DPYSL2: variants seen among roughly 807,000 people sequenced by gnomAD.
The protein encoded by DPYSL2 is dihydropyrimidinase like 2, also known as dihydropyrimidinase-related protein 2.
In DPYSL2, 13 loss-of-function variants were observed where a neutral mutation model predicts 69.9. The observed-to-expected ratio is 0.19, with a 90% confidence interval of 0.12 to 0.30. The LOEUF (loss-of-function observed/expected upper bound fraction) is 0.30. Ranked by LOEUF, DPYSL2 falls within the 10% of genes least tolerant of loss-of-function variation. The pLI is 1.00. For missense variants in DPYSL2, 587 were observed against 918.9 expected (o/e 0.64, Z 4.67); for synonymous variants, 326 against 359.1 (o/e 0.91, Z 1.04).
In DPYSL2 at chr8:26,591,905, C is replaced by T. The variant is rs369881589; in HGVS notation, c.628+7922C>T. Among the ~76,000 whole-genome samples, 7 of 152,136 alleles carry T rather than the reference C, an allele frequency of 4.6e-5. No homozygotes were observed. In the South Asian group the frequency reaches 1.0e-3, roughly 22 times the overall value. ...ATGCGATTGGTCCTGGTGTAGCCTCCGTGTTGAGTTGTAGGGGAAAGGGTG... is the reference window on the plus strand; with the variant it reads ...ATGCGATTGGTCCTGGTGTAGCCTCTGTGTTGAGTTGTAGGGGAAAGGGTG... On this transcript the variant is annotated intron_variant, in intron 3 of 13. Coordinates refer to ENST00000521913, the MANE Select transcript of DPYSL2 (RefSeq NM_001197293.3). This position sits in a 1 kb window ranked among gnomAD's most constrained non-coding sequence, Gnocchi z 5.8.
Position 26,643,380 on chromosome 8 carries a change from G to C in DPYSL2, c.1127-59G>C, listed in dbSNP as rs970082230. On this transcript the variant is annotated intron_variant, in intron 8 of 13. Coordinates refer to ENST00000521913, the MANE Select transcript of DPYSL2 (RefSeq NM_001197293.3). The surrounding 1 kb of genome is among the most constrained non-coding windows in gnomAD (Gnocchi z 6.5). The stretch of plus-strand genomic sequence containing the variant: ...CTGGGCAGGCAGTGGCTCCTCATAG[G>C]GGTGGTTCCCTTCCCCCTGCATTGT... 4.6e-6 allele frequency: 7 copies of C among 1,522,546 alleles called. No homozygotes were observed. The African/African-American group carries it at 9.7e-5, about 21-fold the overall frequency. The allele number at this position is 1,522,546 out of a possible 1,614,324, so 94.3% of individuals were successfully genotyped here. A position where few individuals can be genotyped will look rare whatever the true frequency, so the allele number is the denominator to read the frequency against.
At chr8:26,623,568 A>G (rs535742136) in intron 3 of DPYSL2, among the ~76,000 whole-genome samples, 25 of 152,350 alleles carry the variant, frequency 1.6e-4, no homozygotes, top group African/African-American at 6.0e-4. Context: ...GCGTACCTCC[A>G]TAGTAATATA....
chr8:26,546,839 T>G (rs529982381), intron 1 of DPYSL2, among the ~76,000 whole-genome samples: 1 of 133,680 alleles, frequency 7.5e-6, no homozygotes, highest in East Asian at 2.5e-4. Context: ...GCGAATGGCG[T>G]GAACCCGAGA....
chr8:26,535,544 G>A (rs1446161825), intron 1 of DPYSL2, among the ~76,000 whole-genome samples: 1 of 151,856 alleles, frequency 6.6e-6, no homozygotes, highest in Non-Finnish European at 1.5e-5. Context: ...CGGAACGTAA[G>A]TACAGAGATT....
rs772329438 is a variant in DPYSL2 at position 26,652,689 on chromosome 8, A to T, written c.1776+253A>T. The stretch of plus-strand genomic sequence containing the variant: ...GGAGTGTGGAGTAAGGACCCAGAGG[A>T]GGGAGCCACTGCTGTAGTTGGGGAG... On this transcript the variant is annotated intron_variant, in intron 12 of 13. Coordinates refer to ENST00000521913, the MANE Select transcript of DPYSL2 (RefSeq NM_001197293.3). This position sits in a 1 kb window ranked among gnomAD's most constrained non-coding sequence, Gnocchi z 6.3. 6.6e-5 allele frequency among the ~76,000 whole-genome samples: 10 copies of T among 151,984 alleles called. No homozygotes were observed. The highest frequency in any genetic ancestry group is 1.3e-4 in the Non-Finnish European group (9 of 68,010).
At chr8:26,618,601 G>A (rs1802412712) in intron 3 of DPYSL2, among the ~76,000 whole-genome samples, 1 of 149,142 alleles carries the variant, frequency 6.7e-6, no homozygotes. Context: ...TTACAGGTGT[G>A]AGTCACTGAA....
intron 11 of DPYSL2, among the ~76,000 whole-genome samples, chr8:26,649,986 A>G (rs546972682): frequency 6.6e-6 from 1 of 152,320 alleles, no homozygotes; most frequent in African/African-American, 2.4e-5. Flanking sequence ...GTGCTCATTT[A>G]TAAGCAACAA....
At chr8:26,622,641 T>G (rs534001718) in intron 3 of DPYSL2, among the ~76,000 whole-genome samples, 36 of 152,274 alleles carry the variant, frequency 2.4e-4, no homozygotes, top group African/African-American at 7.2e-4. Context: ...TAGCTGGGAC[T>G]ACAGGCATGT....
intron 1 of DPYSL2, among the ~76,000 whole-genome samples, chr8:26,578,764 T>C (rs1321416790): frequency 6.6e-6 from 1 of 152,148 alleles, no homozygotes; most frequent in Non-Finnish European, 1.5e-5. Context: ...TCTGGAGCCT[T>C]CTCCGGGTCC....
rs755682315 is a variant in DPYSL2, at chr8:26,517,813, C to T, written c.354+3134C>T. 6.6e-6 allele frequency among the ~76,000 whole-genome samples: 1 copy of T among 152,240 alleles called. No homozygotes were observed. Among genetic ancestry groups the T allele is most frequent in the African/African-American group, 2.4e-5 (1 of 41,460 alleles). ...GAATGAACTGCACAGTGCTGCTGAGCTTGGCAATGTTACTGAGTCTGTGAA... is the reference window on the plus strand; with the variant it reads ...GAATGAACTGCACAGTGCTGCTGAGTTTGGCAATGTTACTGAGTCTGTGAA... On this transcript the variant is annotated intron_variant, in intron 1 of 13. Coordinates refer to ENST00000521913, the MANE Select transcript of DPYSL2 (RefSeq NM_001197293.3). This position sits in a 1 kb window ranked among gnomAD's most constrained non-coding sequence, Gnocchi z 4.2.
At chr8:26,534,148 C>A (rs537800029) in intron 1 of DPYSL2, among the ~76,000 whole-genome samples, 1 of 152,114 alleles carries the variant, frequency 6.6e-6, no homozygotes, top group Non-Finnish European at 1.5e-5. Context: ...TACCAGACAC[C>A]GTGCTAAGCC....
At chr8:26,638,985 C>T (rs1802980856) in intron 8 of DPYSL2, among the ~76,000 whole-genome samples, 1 of 152,214 alleles carries the variant, frequency 6.6e-6, no homozygotes, top group Non-Finnish European at 1.5e-5. Context: ...ATGACCTCAT[C>T]TGATGGACAT....
chr8:26,604,359 C>A (rs998629724), intron 3 of DPYSL2, among the ~76,000 whole-genome samples: 2 of 152,174 alleles, frequency 1.3e-5, no homozygotes, highest in South Asian at 4.1e-4. Context: ...TGCCAGGGAG[C>A]AGGTGAAAGC....
intron 1 of DPYSL2, among the ~76,000 whole-genome samples, chr8:26,572,634 G>A (rs1801257479): frequency 6.6e-6 from 1 of 152,200 alleles, no homozygotes; most frequent in East Asian, 1.9e-4. Context: ...TGAGTAGCTG[G>A]GATTACAGGC....
At position 26,565,691 on chromosome 8, in the gene DPYSL2, C is replaced by T. The variant is rs1251398514; in HGVS notation, c.355-16278C>T. 1.3e-5 allele frequency among the ~76,000 whole-genome samples: 2 copies of T among 152,146 alleles called. No individual in the cohort carries two copies. The highest frequency in any genetic ancestry group is 4.8e-5 in the African/African-American group (2 of 41,432). On this transcript the variant is annotated intron_variant, in intron 1 of 13. Coordinates refer to ENST00000521913, the MANE Select transcript of DPYSL2 (RefSeq NM_001197293.3). This position sits in a 1 kb window ranked among gnomAD's most constrained non-coding sequence, Gnocchi z 4.1. Reference sequence around the variant, plus strand: ...ATAGACTCCACTATGTATAATGACTCGAGCACAAAAGGAGTTTATTTGTAT... The same window carrying T: ...ATAGACTCCACTATGTATAATGACTTGAGCACAAAAGGAGTTTATTTGTAT...
Position 26,589,916 on chromosome 8 carries a change from C to T in DPYSL2, c.628+5933C>T, listed in dbSNP as rs557332761. ...CTTGGGCTTGTCCCGGCTCTTCCTA[C>T]TGAGCCTCCCCATGGAGGCAGGAGG... On this transcript the variant is annotated intron_variant, in intron 3 of 13. Transcript: ENST00000521913. Among the ~76,000 whole-genome samples, 5 of 152,352 alleles carry T rather than the reference C, an allele frequency of 3.3e-5. No homozygotes were observed. In the East Asian group the frequency reaches 9.6e-4, roughly 29 times the overall value.
chr8:26,599,318 A>G (rs559891976), intron 3 of DPYSL2, among the ~76,000 whole-genome samples: 1 of 152,268 alleles, frequency 6.6e-6, no homozygotes, highest in Admixed American at 6.5e-5. Flanking sequence ...CCTGGCAGGT[A>G]AAGGTGGCCC....
intron 1 of DPYSL2, chr8:26,578,243 C>G (rs753069195): frequency 8.1e-6 from 13 of 1,614,006 alleles, no homozygotes; most frequent in Non-Finnish European, 1.1e-5. Context: ...TTAATTTTTT[C>G]CCAGGAGAGA....
rs933247132 is a variant in DPYSL2, at chr8:26,650,164, C to T, written c.1597-2093C>T. Among the ~76,000 whole-genome samples the T allele has an allele frequency of 6.6e-6, 1 of 152,232 alleles. No homozygotes were observed. The highest frequency in any genetic ancestry group is 6.5e-5 in the Admixed American group (1 of 15,284). On this transcript the variant is annotated intron_variant, in intron 11 of 13. Transcript: ENST00000521913. The surrounding 1 kb of genome is among the most constrained non-coding windows in gnomAD (Gnocchi z 5.3). ...TTCATTTTATTTCATTTGATTCTCA[C>T]ATGAGTCCTGCAAAGGGGGACCTAC... is the stretch of plus-strand genomic sequence containing the variant.
Sources: allele counts gnomAD v4.1 joint callset (sites outside exome capture counted in the v4.1 genomes callset), GRCh38; gene constraint gnomAD v4.1.1; non-coding constraint Gnocchi (gnomAD v3.1); transcripts MANE v1.5; gene names NCBI Gene and HGNC (gene_info 2026-07-23, HGNC 2026-07-21).